The following PCDHGA3 variants were observed in gnomAD, a reference collection of about 807,000 sequenced individuals.
PCDHGA3 encodes protocadherin gamma-A3.
A neutral mutation model predicts 58.5 loss-of-function variants in PCDHGA3; 40 were observed. The observed-to-expected ratio is 0.68, with a 90% confidence interval of 0.53 to 0.89. The LOEUF (loss-of-function observed/expected upper bound fraction) is 0.89. Ranked by LOEUF, PCDHGA3 falls within the 40% of genes least tolerant of loss-of-function variation. The pLI, the probability that PCDHGA3 is intolerant of heterozygous loss-of-function variation, is 0.00. For missense variants in PCDHGA3, 1,223 were observed against 1,195.9 expected (o/e 1.02, Z -0.33); for synonymous variants, 530 against 525.7 (o/e 1.01, Z -0.11).
In PCDHGA3 at chr5:141,346,074, T is replaced by C; in HGVS notation, c.2041T>C (p.Ser681Pro). The C allele has an allele frequency of 3.1e-6, 5 of 1,613,498 alleles. No homozygotes were observed. The highest frequency in any genetic ancestry group is 4.2e-6 in the Non-Finnish European group (5 of 1,179,776). ...GGCCGACCTGGGCAGCCTCGAGCCC[T>C]CCGCCAAACCCAACGATTCGGACCT... The part of the protein sequence containing the change: ...ILADLGSLEP[S>P]AKPNDSDLTL... Residue 681 changes from serine to proline, a missense_variant, in exon 1 of 4, where the codon TCC (serine) becomes CCC (proline). Ser to Pro is a moderately conservative substitution (Grantham distance 74, BLOSUM62 -1). Around this residue, in one of 3 missense-constraint regions of PCDHGA3, gnomAD observed 107 missense variants for 159.8 expected, o/e 0.67. Transcript: ENST00000253812.
chr5:141,423,517 T>A (rs750915364), intron 1 of PCDHGA3: 1 of 1,613,834 alleles, frequency 6.2e-7, no homozygotes, highest in Admixed American at 1.7e-5. Context: ...CATTGCGGAC[T>A]CGCAGAAGAG....
At chr5:141,409,735 C>T (rs763035733) in intron 1 of PCDHGA3, 1 of 1,613,006 alleles carries the variant, frequency 6.2e-7, no homozygotes, top group Admixed American at 1.7e-5. Context: ...GCGCGCAGAG[C>T]GGGGTGGTGT....
intron 1 of PCDHGA3, chr5:141,365,775 G>A: frequency 1.9e-6 from 3 of 1,613,864 alleles, no homozygotes; most frequent in Non-Finnish European, 2.5e-6. Context: ...CCCGACAGCG[G>A]CGACAACGCT....
At chr5:141,418,441 A>G (rs2096258419) in intron 1 of PCDHGA3, 3 of 1,614,000 alleles carry the variant, frequency 1.9e-6, no homozygotes, top group South Asian at 1.1e-5. Flanking sequence ...ATCCAGAATT[A>G]GTATTGCAGA....
intron 1 of PCDHGA3, chr5:141,376,898 A>G (rs1251182955): frequency 5.2e-6 from 1 of 193,904 alleles, no homozygotes; most frequent in East Asian, 1.4e-4. Context: ...CTTGTTAGCC[A>G]GGATGGTCTC....
intron 1 of PCDHGA3, chr5:141,412,884 G>A: frequency 3.2e-6 from 1 of 311,540 alleles, no homozygotes. Flanking sequence ...TAATCCAACA[G>A]AATAGTTTAC....
intron 1 of PCDHGA3, chr5:141,393,499 A>T: frequency 6.2e-7 from 1 of 1,614,008 alleles, no homozygotes; most frequent in South Asian, 1.1e-5. Context: ...GTGCGCATCC[A>T]CGTGACAGTG....
intron 1 of PCDHGA3, among the ~76,000 whole-genome samples, chr5:141,463,896 T>C (rs982611169): frequency 2.0e-5 from 3 of 152,192 alleles, no homozygotes; most frequent in African/African-American, 7.2e-5. Flanking sequence ...CCTTGCTTTT[T>C]GTACTAATAA....
intron 1 of PCDHGA3, chr5:141,427,812 G>T: frequency 6.6e-7 from 1 of 1,524,404 alleles, no homozygotes; most frequent in Non-Finnish European, 9.0e-7. Flanking sequence ...CGCACAGAGC[G>T]GGGTGGTGGT....
chr5:141,478,633 TGATGAA>T, intron 1 of PCDHGA3: 4 of 1,553,032 alleles, frequency 2.6e-6, no homozygotes, highest in Non-Finnish European at 3.5e-6. Flanking sequence ...GTTTTTTTAG[TGATGAA>T]GATGTTTTCC....
chr5:141,428,043 A>C (rs765740380), intron 1 of PCDHGA3: 1 of 1,608,722 alleles, frequency 6.2e-7, no homozygotes, highest in South Asian at 1.1e-5. Context: ...CTACCTGGTG[A>C]CCAAGGTGGT....
In PCDHGA3 at chr5:141,467,461, A is replaced by G. The variant is rs1330947379; in HGVS notation, c.2425-27346A>G. ...ATTACTTTTTTCTTCCAGTGCTAGT[A>G]CTTGCATGGTTTTTGGTTTCCACAT... On this transcript the variant is annotated intron_variant, in intron 1 of 3. Coordinates refer to ENST00000253812, the MANE Select transcript of PCDHGA3 (RefSeq NM_018916.4). 2.6e-5 allele frequency among the ~76,000 whole-genome samples: 4 copies of G among 152,158 alleles called. No homozygotes were observed. The South Asian group carries it at 8.3e-4, about 31-fold the overall frequency.
intron 1 of PCDHGA3, chr5:141,427,043 G>A: frequency 2.2e-6 from 1 of 457,348 alleles, no homozygotes; most frequent in Non-Finnish European, 4.4e-6. Context: ...GAGAGAATGT[G>A]CCCCCAGGCA....
chr5:141,351,841 A>C (rs3749777), intron 1 of PCDHGA3: 1 of 1,612,968 alleles, frequency 6.2e-7, no homozygotes, highest in African/African-American at 1.3e-5. Flanking sequence ...TCGAGCTCAC[A>C]CTGCAGGCCA....
At chr5:141,440,221 C>A (rs557068282) in intron 1 of PCDHGA3, 2 of 152,450 alleles carry the variant, frequency 1.3e-5, no homozygotes, top group Admixed American at 6.5e-5. Context: ...GTAATCCCAG[C>A]ACTTTGGGAG....
intron 1 of PCDHGA3, among the ~76,000 whole-genome samples, chr5:141,456,187 A>G (rs989106132): frequency 3.9e-5 from 6 of 152,084 alleles, no homozygotes; most frequent in African/African-American, 1.4e-4. Flanking sequence ...TAATTTCTTA[A>G]TAACTCCTAC....
chr5:141,394,915 CCT>C, intron 1 of PCDHGA3: 1 of 1,613,774 alleles, frequency 6.2e-7, no homozygotes, highest in South Asian at 1.1e-5. Flanking sequence ...GCTGCCATCT[CCT>C]GTGTCTTCCT....
At chr5:141,360,535 A>T in intron 1 of PCDHGA3, 1 of 1,613,976 alleles carries the variant, frequency 6.2e-7, no homozygotes, top group Non-Finnish European at 8.5e-7. Flanking sequence ...CCCGCTATTC[A>T]AACAGACTAA....
intron 1 of PCDHGA3, among the ~76,000 whole-genome samples, chr5:141,467,359 A>G (rs997614051): frequency 1.3e-5 from 2 of 151,714 alleles, no homozygotes; most frequent in African/African-American, 4.8e-5. Context: ...GGCCAAATCA[A>G]CGTTTTCTTA....
Sources: gnomAD v4.1 joint callset for allele counts (sites outside exome capture counted in the v4.1 genomes callset) on GRCh38, gnomAD v4.1.1 for gene constraint, gnomAD v4.1.1 regional missense constraint, MANE v1.5 for transcripts, NCBI Gene and HGNC (gene_info 2026-07-23, HGNC 2026-07-21) for gene names.